The following CASK variants were observed in gnomAD, a reference collection of about 807,000 sequenced individuals.
CASK encodes the protein calcium/calmodulin dependent serine protein kinase.
In CASK, 4 loss-of-function variants were observed where a neutral mutation model predicts 82.9. The ratio of observed to expected loss-of-function variants is 0.05; its 90% confidence interval spans 0.02 to 0.11. The LOEUF (loss-of-function observed/expected upper bound fraction) is 0.11. CASK is among the 10% of genes least tolerant of loss of function. The pLI is 1.00. For missense variants in CASK, 358 were observed against 720.9 expected, an observed-to-expected ratio of 0.50 and a Z score of 5.76; for synonymous variants, 259 against 253.5, an observed-to-expected ratio of 1.02 and a Z score of -0.20.
chrX:41,591,009 C>G (rs1161145236), intron 12 of CASK, among the ~76,000 whole-genome samples: 1 of 112,065 alleles, frequency 8.9e-6, no homozygotes, highest in East Asian at 2.8e-4. Flanking sequence ...GAAAGCACTA[C>G]TAAATCAGAG....
At chrX:41,781,368 C>T (rs905882254) in intron 3 of CASK, among the ~76,000 whole-genome samples, 2 of 112,611 alleles carry the variant, frequency 1.8e-5, no homozygotes, top group Non-Finnish European at 3.8e-5. Flanking sequence ...GATATGGACA[C>T]CATATTAAGA....
intron 5 of CASK, among the ~76,000 whole-genome samples, chrX:41,678,053 T>A (rs1031520058): frequency 4.4e-5 from 5 of 112,483 alleles, no homozygotes; most frequent in African/African-American, 1.3e-4. Context: ...CATAATATCA[T>A]TATTAAGTCC....
chrX:41,726,938 TTAAA>T (rs1478854825), intron 5 of CASK: 2 of 492,413 alleles, frequency 4.1e-6, no homozygotes, highest in African/African-American at 2.4e-5. Context: ...ACTATTCAGC[TTAAA>T]TACTGTACCA....
intron 2 of CASK, among the ~76,000 whole-genome samples, chrX:41,800,477 A>G (rs971456897): frequency 2.6e-4 from 29 of 110,842 alleles, no homozygotes; most frequent in Non-Finnish European, 5.1e-4. Flanking sequence ...TTTTATTTTT[A>G]TTTATTTTTA....
At chrX:41,523,691 T>C (rs1270013734) in intron 26 of CASK, among the ~76,000 whole-genome samples, 1 of 111,993 alleles carries the variant, frequency 8.9e-6, no homozygotes, top group Non-Finnish European at 1.9e-5. Flanking sequence ...ACACAATCCC[T>C]ATCCGGAGAG....
chrX:41,681,424 C>G (rs1367757361), intron 5 of CASK, among the ~76,000 whole-genome samples: 1 of 111,840 alleles, frequency 8.9e-6, no homozygotes, highest in Non-Finnish European at 1.9e-5. Context: ...ACATATTATA[C>G]TACTGTAATA....
intron 14 of CASK, chrX:41,585,762 GAAAAAGAA>G (rs2065648436): frequency 1.0e-5 from 1 of 100,452 alleles, no homozygotes; most frequent in African/African-American, 3.7e-5. Flanking sequence ...AAAAAAAAAA[GAAAAAGAA>G]AAAAAGAAAC....
chrX:41,759,194 T>C (rs2068952530), intron 3 of CASK, among the ~76,000 whole-genome samples: 1 of 112,169 alleles, frequency 8.9e-6, no homozygotes, highest in Admixed American at 9.5e-5. Flanking sequence ...ATCAACTCTA[T>C]TTTGTTTGTA....
intron 11 of CASK, among the ~76,000 whole-genome samples, chrX:41,615,854 TG>T: frequency 9.0e-6 from 1 of 111,521 alleles, no homozygotes; most frequent in South Asian, 3.8e-4. Flanking sequence ...CTCGAACTCC[TG>T]GGCTCAAGTG....
intron 2 of CASK, among the ~76,000 whole-genome samples, chrX:41,827,236 C>T (rs1262461386): frequency 1.8e-5 from 2 of 111,600 alleles, no homozygotes; most frequent in Non-Finnish European, 3.8e-5. Flanking sequence ...GTAAAATAGC[C>T]ATAGTTAAAT....
chrX:41,866,079 T>C (rs1480542115), intron 1 of CASK, among the ~76,000 whole-genome samples: 1 of 112,578 alleles, frequency 8.9e-6, no homozygotes, highest in Non-Finnish European at 1.9e-5. Context: ...GCTGCTGCTG[T>C]CTACAGAGCA....
At chrX:41,570,800 T>C (rs1341089389) in intron 15 of CASK, 1 of 112,288 alleles carries the variant, frequency 8.9e-6, no homozygotes, top group African/African-American at 3.2e-5. Flanking sequence ...CTGAGTGGTA[T>C]TCCATTGTAT....
chrX:41,838,017 T>C (rs1185694490), intron 2 of CASK, among the ~76,000 whole-genome samples: 6 of 110,297 alleles, frequency 5.4e-5, no homozygotes, highest in African/African-American at 1.3e-4. Flanking sequence ...TATTGTCATA[T>C]TGTTACTTAT....
At chrX:41,613,095 G>T (rs2066127202) in intron 11 of CASK, among the ~76,000 whole-genome samples, 1 of 111,344 alleles carries the variant, frequency 9.0e-6, no homozygotes. Flanking sequence ...GAAGTGAGGA[G>T]CCCCTCTGCC....
intron 16 of CASK, among the ~76,000 whole-genome samples, chrX:41,568,625 T>A (rs757437337): frequency 8.9e-6 from 1 of 111,919 alleles, no homozygotes; most frequent in South Asian, 3.7e-4. Context: ...TATAACTCAA[T>A]CCTTTCAAAG....
intron 1 of CASK, among the ~76,000 whole-genome samples, chrX:41,913,870 G>A (rs2072626326): frequency 8.9e-6 from 1 of 111,969 alleles, no homozygotes; most frequent in Admixed American, 9.5e-5. Context: ...AGATCAGAAG[G>A]GGGCTGCCTA....
intron 5 of CASK, among the ~76,000 whole-genome samples, chrX:41,720,589 G>C (rs1488169971): frequency 8.9e-6 from 1 of 112,106 alleles, no homozygotes; most frequent in African/African-American, 3.2e-5. Flanking sequence ...TGGTTAGTGA[G>C]AGTACTTAAG....
At chrX:41,813,535 C>T in intron 2 of CASK, among the ~76,000 whole-genome samples, 1 of 111,177 alleles carries the variant, frequency 9.0e-6, no homozygotes, top group Non-Finnish European at 1.9e-5. Context: ...AACTGGCTAG[C>T]CATATGTAGA....
chrX:41,656,472 C>T (rs758200456), intron 8 of CASK, among the ~76,000 whole-genome samples: 2 of 112,115 alleles, frequency 1.8e-5, no homozygotes, highest in Non-Finnish European at 3.8e-5. Context: ...GAGAGCTGAA[C>T]ACCATTTCTT....
Sources: gnomAD v4.1 joint callset for allele counts (sites outside exome capture counted in the v4.1 genomes callset) on GRCh38, gnomAD v4.1.1 for gene constraint, MANE v1.5 for transcripts, NCBI Gene and HGNC (gene_info 2026-07-23, HGNC 2026-07-21) for gene names.